Variants in FREM2 observed in about 807,000 individuals in gnomAD.
The protein encoded by FREM2 is FRAS1 related extracellular matrix 2.
Under a neutral mutation model 219.9 loss-of-function variants are expected in FREM2, and 119 were observed. The ratio of observed to expected loss-of-function variants is 0.54; its 90% CI spans 0.47 to 0.63. FREM2 has a LOEUF of 0.63. Ranked by LOEUF, FREM2 falls within the 30% of genes least tolerant of loss-of-function variation. The probability of loss-of-function intolerance (pLI) is 0.00; values close to 1 mark genes in which losing one functional copy is unlikely to be tolerated. For missense variants in FREM2, 4,030 were observed against 3,993.6 expected, an observed-to-expected ratio of 1.01 and a Z score of -0.25; for synonymous variants, 1,562 against 1,522.8, an observed-to-expected ratio of 1.03 and a Z score of -0.60.
At chr13:38,743,330 C>CAT (rs1234338273) in intron 2 of FREM2, among the ~76,000 whole-genome samples, 7 of 150,964 alleles carry the variant, frequency 4.6e-5, no homozygotes, top group Middle Eastern at 3.2e-3. Flanking sequence ...TATATACATA[C>CAT]ATATATATAT....
At chr13:38,832,541 A>G (rs574717264) in intron 6 of FREM2, among the ~76,000 whole-genome samples, 21 of 152,096 alleles carry the variant, frequency 1.4e-4, no homozygotes, top group Admixed American at 9.8e-4. Flanking sequence ...CTTATTTTCT[A>G]TGCATCAAAA....
intron 6 of FREM2, among the ~76,000 whole-genome samples, chr13:38,799,729 T>C (rs1015763100): frequency 3.3e-5 from 5 of 152,172 alleles, no homozygotes; most frequent in African/African-American, 1.2e-4. Flanking sequence ...CTTCTTTCTC[T>C]TTCTTTCTTT....
At chr13:38,835,977 A>G (rs559963967) in intron 6 of FREM2, among the ~76,000 whole-genome samples, 4 of 152,042 alleles carry the variant, frequency 2.6e-5, no homozygotes, top group Non-Finnish European at 4.4e-5. Flanking sequence ...TTCCAATACT[A>G]TGTTGTATAG....
chr13:38,783,602 A>G (rs1271352729), intron 5 of FREM2, among the ~76,000 whole-genome samples: 3 of 152,126 alleles, frequency 2.0e-5, no homozygotes, highest in African/African-American at 4.8e-5. Flanking sequence ...CAAATATCCT[A>G]TGGAAGGTGA....
At chr13:38,783,274 T>C (rs1874192965) in intron 5 of FREM2, 79 bp downstream of exon 5, 1 of 1,446,386 alleles carries the variant, frequency 6.9e-7, no homozygotes, top group Non-Finnish European at 9.7e-7. Flanking sequence ...AGCCATAACA[T>C]TTTACCATGA....
chr13:38,695,381 A>G (rs1870067106), intron 1 of FREM2, among the ~76,000 whole-genome samples: 1 of 152,164 alleles, frequency 6.6e-6, no homozygotes, highest in Non-Finnish European at 1.5e-5. Context: ...ACTTGGAGGG[A>G]AAATTGGGTA....
chr13:38,732,272 G>C (rs9315612), intron 2 of FREM2, among the ~76,000 whole-genome samples: 17,154 of 152,160 alleles, frequency 0.11, 1,118 homozygotes, highest in Middle Eastern at 0.24. Flanking sequence ...ATATAAATCA[G>C]AACGTGTCAA....
intron 4 of FREM2, among the ~76,000 whole-genome samples, chr13:38,773,387 C>T (rs1873745104): frequency 6.6e-6 from 1 of 151,806 alleles, no homozygotes; most frequent in Non-Finnish European, 1.5e-5. Flanking sequence ...CTACAGTCTC[C>T]CCCACACCCC....
At chr13:38,842,569 G>C (rs905856542) in intron 6 of FREM2, among the ~76,000 whole-genome samples, 2 of 152,174 alleles carry the variant, frequency 1.3e-5, no homozygotes, top group African/African-American at 2.4e-5. Context: ...GACAAAAAAG[G>C]CAGCATTAAA....
chr13:38,726,268 CG>C (rs1871521079), intron 2 of FREM2, among the ~76,000 whole-genome samples: 1 of 152,052 alleles, frequency 6.6e-6, no homozygotes, highest in Non-Finnish European at 1.5e-5. Flanking sequence ...TATCTGGTAC[CG>C]GGCCCTGAGA....
intron 6 of FREM2, among the ~76,000 whole-genome samples, chr13:38,806,120 T>C (rs1875216846): frequency 1.3e-5 from 2 of 151,034 alleles, no homozygotes; most frequent in Non-Finnish European, 2.9e-5. Flanking sequence ...TGAGGGTGAG[T>C]GAGTCATTCA....
intron 6 of FREM2, among the ~76,000 whole-genome samples, chr13:38,807,142 C>G (rs1290763257): frequency 1.6e-5 from 2 of 128,050 alleles, no homozygotes; most frequent in African/African-American, 5.5e-5. Context: ...TTTTCAACCC[C>G]CTGCTCATGT....
At chr13:38,800,863 C>T (rs1874981259) in intron 6 of FREM2, among the ~76,000 whole-genome samples, 1 of 152,190 alleles carries the variant, frequency 6.6e-6, no homozygotes, top group South Asian at 2.1e-4. Flanking sequence ...CTCCTGACCT[C>T]AGGTGATCTG....
At position 38,850,228 on chromosome 13, in the gene FREM2, C is replaced by T. The variant is rs1186506935; in HGVS notation, c.6570C>T (p.Phe2190=). ...RPNTDTSIIT[F]LPGETEKPCI... The stretch of plus-strand genomic sequence containing the variant: ...ACACTGATACCTCCATCATCACATT[C>T]CTCCCTGGTAAGCTTGAACTTGAAA... Residue 2190 remains phenylalanine (F), a synonymous_variant, in exon 9 of 24, where the codon TTC becomes TTT. Transcript: ENST00000280481. The T allele has an allele frequency of 6.2e-7, 1 of 1,613,646 alleles. No homozygotes were observed. The highest frequency in any genetic ancestry group is 1.1e-5 in the South Asian group (1 of 91,074).
chr13:38,716,261 C>T (rs1004407285), intron 2 of FREM2, among the ~76,000 whole-genome samples: 3 of 152,114 alleles, frequency 2.0e-5, no homozygotes, highest in Non-Finnish European at 4.4e-5. Context: ...TCACTGTTTT[C>T]CTGTGGTCTG....
rs572510841 is a variant in FREM2 at position 38,882,507 on chromosome 13, C to T, written c.*1720C>T. 6.6e-6 allele frequency: 1 copy of T among 152,204 alleles called. No homozygotes were observed. Among genetic ancestry groups the T allele is most frequent in the Non-Finnish European group, 1.5e-5 (1 of 68,036 alleles). 9.4% of individuals were successfully genotyped at this position (152,204 alleles called of 1,614,324 possible). On this transcript the variant is annotated 3_prime_UTR_variant, in exon 24 of 24. Transcript: ENST00000280481. Reference sequence around the variant, plus strand: ...TAGTTGCCTTTCTTCTCTTAGGCAGCTCTGCACTTCATGTTCAGTTTTTTA... The same window carrying T: ...TAGTTGCCTTTCTTCTCTTAGGCAGTTCTGCACTTCATGTTCAGTTTTTTA...
At chr13:38,875,596 G>A (rs577565937) in intron 18 of FREM2, among the ~76,000 whole-genome samples, 1 of 152,214 alleles carries the variant, frequency 6.6e-6, no homozygotes, top group African/African-American at 2.4e-5. Context: ...TCATAAATTG[G>A]GTTTGCCCAG....
chr13:38,755,569 C>T (rs1310681631), intron 2 of FREM2, among the ~76,000 whole-genome samples: 2 of 152,108 alleles, frequency 1.3e-5, no homozygotes, highest in African/African-American at 4.8e-5. Context: ...ACTTACACTA[C>T]ACTTTGAATC....
chr13:38,845,369 TATC>T (rs1347698805), intron 6 of FREM2, among the ~76,000 whole-genome samples: 6 of 152,174 alleles, frequency 3.9e-5, no homozygotes, highest in Admixed American at 3.9e-4. Flanking sequence ...TGAAACATGA[TATC>T]ATGTTTTTAG....
Sources: allele counts gnomAD v4.1 joint callset (sites outside exome capture counted in the v4.1 genomes callset), GRCh38; gene constraint gnomAD v4.1.1; transcripts MANE v1.5; gene names NCBI Gene and HGNC (gene_info 2026-07-23, HGNC 2026-07-21).